The following CIB1 variants were observed in gnomAD, a reference collection of about 807,000 sequenced individuals.
The protein encoded by CIB1 is calcium and integrin binding 1.
A neutral mutation model predicts 25.0 loss-of-function variants in CIB1; 19 were observed. That is an observed-to-expected ratio of 0.76 (90% CI 0.53 to 1.12). The LOEUF is 1.12. Among genes scored for constraint, CIB1 ranks in the 50% most tolerant of loss-of-function variants. CIB1 has a pLI of 0.00. For missense variants in CIB1, 236 were observed against 242.6 expected (o/e 0.97, Z 0.18); for synonymous variants, 104 against 98.5 (o/e 1.06, Z -0.33).
At chr15:90,237,086 G>A (rs1962651070), upstream of CIB1, among the ~76,000 whole-genome samples, 1 of 151,704 alleles carries the variant, frequency 6.6e-6, no homozygotes, top group South Asian at 2.1e-4. Flanking sequence ...AGCCTCCCGA[G>A]TAGCTGAGAT....
chr15:90,257,717 T>C, the CIB1 span: 1 of 1,613,916 alleles, frequency 6.2e-7, no homozygotes, highest in East Asian at 2.2e-5. Context: ...CTGTGGGCAG[T>C]AAGAGGTACT....
At chr15:90,240,210 G>C in the CIB1 span, among the ~76,000 whole-genome samples, 1 of 149,204 alleles carries the variant, frequency 6.7e-6, no homozygotes, top group East Asian at 2.0e-4. Flanking sequence ...GTGACAGAGT[G>C]ATAAATAAAT....
the CIB1 span, among the ~76,000 whole-genome samples, chr15:90,253,540 T>A: frequency 6.6e-5 from 10 of 151,990 alleles, no homozygotes; most frequent in Admixed American, 6.6e-4. Flanking sequence ...TCTTGGAGAT[T>A]GTGGGTTTCT....
chr15:90,259,152 C>A, the CIB1 span: 1 of 982,840 alleles, frequency 1.0e-6, no homozygotes, highest in Non-Finnish European at 1.4e-6. Flanking sequence ...TGCTTGAGCC[C>A]TAGAGTTCAA....
Position 90,231,101 on chromosome 15 carries a change from G to C in CIB1, c.459C>G (p.Ile153Met), listed in dbSNP as rs563075894. The change falls in exon 5 of 7, where the codon ATC becomes ATG. Residue 153 changes from isoleucine (I) to methionine (M), a missense_variant. Ile to Met is a conservative substitution (Grantham distance 10, BLOSUM62 1). Transcript: ENST00000328649. The stretch of plus-strand genomic sequence containing the variant: ...GGCCTGCTCAGCTGCTCACGTTGTC[G>C]ATGAGCTGCTTCATCTCAGACGCAC... ...RLSASEMKQL[I>M]DNILEESDID... 2 of 1,613,888 alleles carry C rather than the reference G, an allele frequency of 1.2e-6. No individual in the cohort carries two copies. The highest frequency in any genetic ancestry group is 1.7e-6 in the Non-Finnish European group (2 of 1,179,760).
At chr15:90,250,643 A>C in the CIB1 span, 4 of 1,613,210 alleles carry the variant, frequency 2.5e-6, no homozygotes, top group African/African-American at 5.3e-5. Context: ...GGAGCCGAGT[A>C]CCTGTAGGAC....
At chr15:90,255,325 G>A in the CIB1 span, among the ~76,000 whole-genome samples, 1 of 152,198 alleles carries the variant, frequency 6.6e-6, no homozygotes, top group Non-Finnish European at 1.5e-5. Context: ...GGGTGCCATG[G>A]CATCACATTC....
the CIB1 span, among the ~76,000 whole-genome samples, chr15:90,239,808 C>G: frequency 6.6e-6 from 1 of 152,154 alleles, no homozygotes; most frequent in African/African-American, 2.4e-5. Flanking sequence ...GCCTGTAGTT[C>G]CAGATACTTG....
At chr15:90,262,955 G>A in the CIB1 span, 5 of 1,534,936 alleles carry the variant, frequency 3.3e-6, no homozygotes, top group African/African-American at 4.1e-5. Flanking sequence ...TATCTCTCAT[G>A]TACCTTGTAG....
At chr15:90,234,863 A>C (rs539028134), upstream of CIB1, among the ~76,000 whole-genome samples, 2 of 152,342 alleles carry the variant, frequency 1.3e-5, no homozygotes, top group East Asian at 3.9e-4. Context: ...CGAATGCATA[A>C]TAAATGAATG....
At chr15:90,236,874 G>A (rs1962646525), upstream of CIB1, among the ~76,000 whole-genome samples, 1 of 152,120 alleles carries the variant, frequency 6.6e-6, no homozygotes. Context: ...AGTCCTCGGT[G>A]AATCTGGTTA....
At chr15:90,235,470 T>G (rs12916944), upstream of CIB1, among the ~76,000 whole-genome samples, 1 of 152,044 alleles carries the variant, frequency 6.6e-6, no homozygotes, top group Admixed American at 6.6e-5. Flanking sequence ...GCGGAGATTG[T>G]GCCACTGCAG....
the CIB1 span, among the ~76,000 whole-genome samples, chr15:90,240,110 C>A: frequency 0.024 from 3,673 of 151,656 alleles, 143 homozygotes; most frequent in African/African-American, 0.08. Context: ...ATAATCCCAG[C>A]TACTTGGGAG....
At chr15:90,244,863 G>T in the CIB1 span, 1 of 152,162 alleles carries the variant, frequency 6.6e-6, no homozygotes, top group African/African-American at 2.4e-5. Flanking sequence ...TCTCAACAGA[G>T]ATTATCACCG....
the CIB1 span, chr15:90,255,850 C>T: frequency 1.9e-6 from 3 of 1,614,042 alleles, no homozygotes; most frequent in Non-Finnish European, 2.5e-6. Context: ...CCTCTGAGTA[C>T]AACATCTTCC....
upstream of CIB1, chr15:90,234,027 A>G (rs1052647558): frequency 1.6e-4 from 153 of 980,754 alleles, 1 homozygote; most frequent in Admixed American, 6.3e-4. Flanking sequence ...CCCTCCTAAA[A>G]GCTGCCAGGC....
At chr15:90,236,984 G>A (rs1366457960), upstream of CIB1, among the ~76,000 whole-genome samples, 1 of 151,752 alleles carries the variant, frequency 6.6e-6, no homozygotes, top group Non-Finnish European at 1.5e-5. Context: ...TTTTGAGACA[G>A]AGTCTCACTC....
At chr15:90,261,182 A>C in the CIB1 span, among the ~76,000 whole-genome samples, 1 of 150,800 alleles carries the variant, frequency 6.6e-6, no homozygotes, top group Non-Finnish European at 1.5e-5. Flanking sequence ...GGGTTCAAAA[A>C]ATTTTCCTGC....
At chr15:90,230,822 G>A in intron 6 of CIB1, 112 bp downstream of exon 6, 1 of 995,500 alleles carries the variant, frequency 1.0e-6, no homozygotes, top group Non-Finnish European at 1.6e-6. Context: ...CTGTGTGTGG[G>A]GACTGGGGCT....
Sources: gnomAD v4.1 joint callset for allele counts (sites outside exome capture counted in the v4.1 genomes callset) on GRCh38, gnomAD v4.1.1 for gene constraint, MANE v1.5 for transcripts, NCBI Gene and HGNC (gene_info 2026-07-23, HGNC 2026-07-21) for gene names.